The following ARHGEF12 variants were observed in gnomAD, a reference collection of about 807,000 sequenced individuals.
ARHGEF12 encodes KMT2A/ARHGEF12 fusion protein.
Under a neutral mutation model 211.2 loss-of-function variants are expected in ARHGEF12, and 66 were observed. The ratio of observed to expected loss-of-function variants is 0.31; its 90% CI spans 0.26 to 0.38. ARHGEF12 has a LOEUF of 0.38. Ranked by LOEUF, ARHGEF12 falls within the 10% of genes least tolerant of loss-of-function variation. The probability of loss-of-function intolerance (pLI) is 1.00; values close to 1 mark genes in which losing one functional copy is unlikely to be tolerated. For synonymous variants in ARHGEF12, 592 were observed against 638.4 expected (o/e 0.93, Z 1.09); for missense variants, 1,429 against 1,869.5 (o/e 0.76, Z 4.34).
chr11:120,350,991 C>T (rs1475998414), intron 1 of ARHGEF12, among the ~76,000 whole-genome samples: 1 of 152,078 alleles, frequency 6.6e-6, no homozygotes, highest in East Asian at 1.9e-4. Context: ...TTACTTGTTG[C>T]TCTAATATTT....
At chr11:120,364,279 C>T (rs775905849) in intron 1 of ARHGEF12, among the ~76,000 whole-genome samples, 11 of 152,140 alleles carry the variant, frequency 7.2e-5, no homozygotes, top group Non-Finnish European at 1.3e-4. Context: ...GGAGCTTCAT[C>T]TTTCTTTTTA....
At chr11:120,371,442 C>T (rs969053462) in intron 1 of ARHGEF12, among the ~76,000 whole-genome samples, 4 of 152,138 alleles carry the variant, frequency 2.6e-5, no homozygotes, top group Admixed American at 6.5e-5. Flanking sequence ...GAGCTGAGAT[C>T]GTGCCACTGC....
chr11:120,395,768 C>CG (rs1444484583), intron 1 of ARHGEF12, among the ~76,000 whole-genome samples: 4 of 151,860 alleles, frequency 2.6e-5, no homozygotes, highest in African/African-American at 9.7e-5. Context: ...AGACCCCCCC[C>CG]CTTCATGATT....
At chr11:120,357,705 A>G (rs545608102) in intron 1 of ARHGEF12, among the ~76,000 whole-genome samples, 1 of 152,216 alleles carries the variant, frequency 6.6e-6, no homozygotes, top group Non-Finnish European at 1.5e-5. Context: ...AAAATACTGG[A>G]ATTACAAGCA....
intron 13 of ARHGEF12, among the ~76,000 whole-genome samples, chr11:120,440,927 T>C (rs1945850674): frequency 6.6e-6 from 1 of 152,194 alleles, no homozygotes; most frequent in Non-Finnish European, 1.5e-5. Context: ...TTGAATTTTG[T>C]GGAATGAGAT....
intron 4 of ARHGEF12, 66 bp downstream of exon 4, chr11:120,409,516 C>CT: frequency 2.0e-6 from 3 of 1,477,008 alleles, no homozygotes; most frequent in Middle Eastern, 1.7e-4. Flanking sequence ...CTTTTCTGTT[C>CT]TTTTTTTCCT....
intron 22 of ARHGEF12, among the ~76,000 whole-genome samples, chr11:120,452,282 G>A (rs1313937414): frequency 1.3e-5 from 2 of 152,114 alleles, no homozygotes; most frequent in Non-Finnish European, 2.9e-5. Context: ...GTATGTAAAG[G>A]GTAAGACTAT....
chr11:120,472,497 T>C (rs1443224010), intron 30 of ARHGEF12, among the ~76,000 whole-genome samples: 5 of 151,930 alleles, frequency 3.3e-5, no homozygotes, highest in Non-Finnish European at 5.9e-5. Context: ...ATTCAGAAAA[T>C]AAATATAAGC....
intron 1 of ARHGEF12, among the ~76,000 whole-genome samples, chr11:120,395,939 A>G (rs182252357): frequency 1.6e-4 from 24 of 152,270 alleles, no homozygotes; most frequent in Admixed American, 1.6e-3. Context: ...GAGGGCCTAG[A>G]AATGGTGACA....
chr11:120,337,678 A>G, intron 1 of ARHGEF12: 1 of 985,394 alleles, frequency 1.0e-6, no homozygotes, highest in African/African-American at 1.7e-5. Context: ...TCTCAAGACA[A>G]TTACATTTTA....
At chr11:120,446,190 T>TC (rs1946041145) in intron 16 of ARHGEF12, among the ~76,000 whole-genome samples, 1 of 129,884 alleles carries the variant, frequency 7.7e-6, no homozygotes, top group African/African-American at 2.9e-5. Context: ...AGAGCAAGAC[T>TC]CCATCTCAAA....
chr11:120,482,206 G>A (rs1947265658), intron 39 of ARHGEF12, among the ~76,000 whole-genome samples: 1 of 152,178 alleles, frequency 6.6e-6, no homozygotes, highest in Non-Finnish European at 1.5e-5. Flanking sequence ...AGATGAGATA[G>A]GTAGGGTTTA....
chr11:120,437,396 C>T lies in ARHGEF12; in HGVS notation c.999+14C>T. 1 of 1,601,780 alleles carries T rather than the reference C, an allele frequency of 6.2e-7. No individual in the cohort carries two copies. The highest frequency in any genetic ancestry group is 1.1e-5 in the South Asian group (1 of 90,044). On this transcript the variant is annotated intron_variant, in intron 12 of 40. Transcript: ENST00000397843. The stretch of plus-strand genomic sequence containing the variant: ...ATTCAGGACACTGTGAGTATGAAAT[C>T]CATGCAATGATAGTGCTGTCTTTGG...
intron 4 of ARHGEF12, among the ~76,000 whole-genome samples, chr11:120,419,013 G>T (rs983710690): frequency 2.0e-5 from 3 of 149,560 alleles, no homozygotes; most frequent in African/African-American, 7.4e-5. Context: ...TCGCTCTGTC[G>T]CCCAGGCTGG....
At chr11:120,387,245 TG>T (rs202185449) in intron 1 of ARHGEF12, among the ~76,000 whole-genome samples, 11 of 150,514 alleles carry the variant, frequency 7.3e-5, no homozygotes, top group Non-Finnish European at 1.3e-4. Flanking sequence ...TTGTGTGTGG[TG>T]GGGGGGGAGG....
intron 1 of ARHGEF12, among the ~76,000 whole-genome samples, chr11:120,372,208 T>C (rs1943609211): frequency 6.6e-6 from 1 of 152,210 alleles, no homozygotes; most frequent in South Asian, 2.1e-4. Flanking sequence ...ACAGTAAAAA[T>C]GCCTTCTAGT....
chr11:120,368,101 G>C (rs560444317), intron 1 of ARHGEF12, among the ~76,000 whole-genome samples: 1 of 152,152 alleles, frequency 6.6e-6, no homozygotes, highest in Admixed American at 6.5e-5. Flanking sequence ...TTTTGAGACA[G>C]GGTCTCACTC....
intron 1 of ARHGEF12, among the ~76,000 whole-genome samples, chr11:120,338,057 T>C (rs1024379767): frequency 6.6e-6 from 1 of 152,220 alleles, no homozygotes; most frequent in African/African-American, 2.4e-5. Flanking sequence ...AGCTAGACCA[T>C]GTGTGGTTGA....
At chr11:120,421,959 T>G in intron 6 of ARHGEF12, 107 bp downstream of exon 6, 1 of 780,762 alleles carries the variant, frequency 1.3e-6, no homozygotes, top group Non-Finnish European at 2.1e-6. Flanking sequence ...ATCATACTTC[T>G]ATGTATGATA....
Sources: gnomAD v4.1 joint callset for allele counts (sites outside exome capture counted in the v4.1 genomes callset) on GRCh38, gnomAD v4.1.1 for gene constraint, MANE v1.5 for transcripts, NCBI Gene and HGNC (gene_info 2026-07-23, HGNC 2026-07-21) for gene names.